STK3: variants seen among roughly 807,000 people sequenced by gnomAD.
STK3 encodes serine/threonine kinase 3.
Under a neutral mutation model 58.0 loss-of-function variants are expected in STK3, and 41 were observed. That is an observed-to-expected ratio of 0.71 (90% CI 0.55 to 0.92). The LOEUF (loss-of-function observed/expected upper bound fraction) is 0.92, where lower values mean the gene tolerates loss of function less well. Ranked by LOEUF, STK3 falls within the 40% of genes least tolerant of loss-of-function variation. The pLI is 0.00. For synonymous variants in STK3, 170 were observed against 191.0 expected (o/e 0.89, Z 0.91); for missense variants, 479 against 602.7 (o/e 0.79, Z 2.15).
At chr8:98,781,076 T>C (rs1832058089) in intron 1 of STK3, among the ~76,000 whole-genome samples, 1 of 152,168 alleles carries the variant, frequency 6.6e-6, no homozygotes, top group African/African-American at 2.4e-5. Flanking sequence ...CAACAAAATG[T>C]AAGAAACTAT....
intron 3 of STK3, among the ~76,000 whole-genome samples, chr8:98,842,585 G>A (rs950450063): frequency 2.7e-4 from 41 of 152,168 alleles, no homozygotes; most frequent in African/African-American, 3.9e-4. Context: ...AACTGAGGTG[G>A]GAGGATCACT....
intron 10 of STK3, among the ~76,000 whole-genome samples, chr8:98,510,580 C>G (rs200474742): frequency 2.6e-5 from 4 of 151,682 alleles, no homozygotes; most frequent in African/African-American, 4.8e-5. Context: ...TATTTAAATG[C>G]AGTTTTTTTT....
intron 2 of STK3, among the ~76,000 whole-genome samples, chr8:98,375,895 G>A (rs1817669615): frequency 6.6e-6 from 1 of 152,172 alleles, no homozygotes; most frequent in South Asian, 2.1e-4. Flanking sequence ...TTCATGTATA[G>A]GTTTTTGTGT....
At chr8:98,896,038 A>C (rs1315720575) in intron 1 of STK3, among the ~76,000 whole-genome samples, 4 of 152,128 alleles carry the variant, frequency 2.6e-5, no homozygotes, top group Non-Finnish European at 5.9e-5. Flanking sequence ...TTTCATTTTA[A>C]ATTATTTATA....
At chr8:98,830,766 C>T (rs1158606831) in intron 3 of STK3, among the ~76,000 whole-genome samples, 2 of 151,928 alleles carry the variant, frequency 1.3e-5, no homozygotes, top group Admixed American at 6.6e-5. Flanking sequence ...GTCAGGAGAT[C>T]GAGACCATCC....
intron 10 of STK3, among the ~76,000 whole-genome samples, chr8:98,469,259 G>C (rs537192539): frequency 5.4e-5 from 3 of 55,304 alleles, no homozygotes; most frequent in Non-Finnish European, 1.2e-4. Flanking sequence ...TTGCGGGGGC[G>C]GGGGGGCGGT....
chr8:98,364,595 T>C, the STK3 span, among the ~76,000 whole-genome samples: 271 of 152,380 alleles, frequency 1.8e-3, 2 homozygotes, highest in African/African-American at 6.2e-3. Flanking sequence ...CGCAATTATG[T>C]GGCTATCACT....
chr8:98,384,332 G>A (rs141881153), intron 1 of STK3, among the ~76,000 whole-genome samples: 8 of 152,366 alleles, frequency 5.3e-5, no homozygotes, highest in Non-Finnish European at 1.2e-4. Context: ...CTCTTGAGCT[G>A]CTTGTCCCAG....
At chr8:98,385,658 G>A (rs747027549) in intron 1 of STK3, among the ~76,000 whole-genome samples, 1 of 152,144 alleles carries the variant, frequency 6.6e-6, no homozygotes, top group African/African-American at 2.4e-5. Flanking sequence ...CCTGCTCCAA[G>A]AGCCTGGAAT....
intron 4 of STK3, among the ~76,000 whole-genome samples, chr8:98,748,031 ATTAAAC>A (rs1829753877): frequency 6.6e-6 from 1 of 152,220 alleles, no homozygotes; most frequent in South Asian, 2.1e-4. Flanking sequence ...GGCAACAAGC[ATTAAAC>A]TTCTTGGATC....
In STK3 at chr8:98,448,528, A is replaced by G. The variant is rs540273798; in HGVS notation, n.186-11320T>C. 2.0e-5 allele frequency among the ~76,000 whole-genome samples: 3 copies of G among 152,318 alleles called. No individual in the cohort carries two copies. In the South Asian group the frequency reaches 6.2e-4, roughly 32 times the overall value. On this transcript the variant is annotated intron_variant and non_coding_transcript_variant, in intron 1 of 3. Transcript: ENST00000517832. ...GCGCAGGTGCAGGAGTGCCCTATCT[A>G]ACATGGTCGGTATACACTGAACATC...
chr8:98,855,125 A>G (rs1044367996), intron 3 of STK3, among the ~76,000 whole-genome samples: 5 of 152,226 alleles, frequency 3.3e-5, no homozygotes, highest in African/African-American at 1.2e-4. Flanking sequence ...ATTCAATGCA[A>G]TTCCAATATC....
At chr8:98,610,648 C>T (rs540815536) in intron 6 of STK3, among the ~76,000 whole-genome samples, 1 of 152,262 alleles carries the variant, frequency 6.6e-6, no homozygotes, top group South Asian at 2.1e-4. Flanking sequence ...AGGGAAGATG[C>T]CCGCATAGGC....
chr8:98,519,343 T>C (rs990749785), intron 10 of STK3, among the ~76,000 whole-genome samples: 2 of 152,124 alleles, frequency 1.3e-5, no homozygotes, highest in Non-Finnish European at 2.9e-5. Context: ...GTTTTTACCT[T>C]AAGCTGTCTA....
At chr8:98,621,942 C>G (rs374821925) in intron 6 of STK3, among the ~76,000 whole-genome samples, 1 of 151,048 alleles carries the variant, frequency 6.6e-6, no homozygotes, top group Non-Finnish European at 1.5e-5. Context: ...AAAAAAAGAC[C>G]GTCAAATGAA....
chr8:98,505,209 C>A (rs1291400246), intron 10 of STK3, among the ~76,000 whole-genome samples: 1 of 152,182 alleles, frequency 6.6e-6, no homozygotes, highest in Non-Finnish European at 1.5e-5. Flanking sequence ...GCATGTGTCA[C>A]GTAGTTCTCC....
At chr8:98,664,388 G>A (rs539236124) in intron 6 of STK3, among the ~76,000 whole-genome samples, 4 of 152,038 alleles carry the variant, frequency 2.6e-5, no homozygotes, top group Admixed American at 2.0e-4. Flanking sequence ...AGTTCCTATC[G>A]GATCTCATAG....
At chr8:98,479,798 A>C (rs1821703421) in intron 10 of STK3, among the ~76,000 whole-genome samples, 1 of 152,228 alleles carries the variant, frequency 6.6e-6, no homozygotes, top group Non-Finnish European at 1.5e-5. Context: ...TATCAGAAAT[A>C]ACAAGACTTT....
chr8:98,815,866 T>A (rs1834509842), intron 1 of STK3, among the ~76,000 whole-genome samples: 1 of 152,054 alleles, frequency 6.6e-6, no homozygotes, highest in Admixed American at 6.6e-5. Context: ...GAAAGCAAAA[T>A]GATGTATTTA....
Sources: allele counts gnomAD v4.1 joint callset (sites outside exome capture counted in the v4.1 genomes callset), GRCh38; gene constraint gnomAD v4.1.1; transcripts MANE v1.5; gene names NCBI Gene and HGNC (gene_info 2026-07-23, HGNC 2026-07-21).